MRC2: variants seen among roughly 807,000 people sequenced by gnomAD.
MRC2 encodes C-type mannose receptor 2.
In MRC2, 84 loss-of-function variants were observed where a neutral mutation model predicts 206.2. That is an observed-to-expected ratio of 0.41 (90% CI 0.34 to 0.49). The LOEUF (loss-of-function observed/expected upper bound fraction) is 0.49, where lower values mean the gene tolerates loss of function less well. Ranked by LOEUF, MRC2 falls within the 20% of genes least tolerant of loss-of-function variation. MRC2 has a pLI of 0.31. For synonymous variants in MRC2, 798 were observed against 800.0 expected (o/e 1.00, Z 0.04); for missense variants, 1,676 against 2,001.5 (o/e 0.84, Z 3.10).
intron 1 of MRC2, among the ~76,000 whole-genome samples, chr17:62,656,459 A>G (rs1247590068): frequency 1.3e-5 from 2 of 152,174 alleles, no homozygotes; most frequent in African/African-American, 2.4e-5. Flanking sequence ...TTCAAAGTGC[A>G]GGGATTACAG....
In MRC2 at chr17:62,681,830, A is replaced by T; in HGVS notation, c.2703-7A>T. 1 of 1,611,090 alleles carries T rather than the reference A, an allele frequency of 6.2e-7. No homozygotes were observed. The highest frequency in any genetic ancestry group is 8.5e-7 in the Non-Finnish European group (1 of 1,178,232). On this transcript the variant is annotated splice_polypyrimidine_tract_variant and splice_region_variant and intron_variant, in intron 18 of 29. Coordinates refer to ENST00000303375, the MANE Select transcript of MRC2 (RefSeq NM_006039.5). ...GCTGGAGTTACCTCTGCTCCATGCCATTGCAGATGGACAGATGGTTCCATT... is the reference window on the plus strand; with the variant it reads ...GCTGGAGTTACCTCTGCTCCATGCCTTTGCAGATGGACAGATGGTTCCATT...
At chr17:62,653,803 A>G (rs1021029092) in intron 1 of MRC2, among the ~76,000 whole-genome samples, 1 of 152,050 alleles carries the variant, frequency 6.6e-6, no homozygotes, top group Non-Finnish European at 1.5e-5. Flanking sequence ...ACCATGGTTC[A>G]GGATGTCGGT....
chr17:62,673,002 A>AAT (rs1211339422), intron 8 of MRC2, among the ~76,000 whole-genome samples: 4 of 150,800 alleles, frequency 2.7e-5, no homozygotes, highest in African/African-American at 9.8e-5. Flanking sequence ...AAAAAAAAAA[A>AAT]AATAAAATAA....
intron 1 of MRC2, among the ~76,000 whole-genome samples, chr17:62,645,917 A>G (rs186995981): frequency 2.6e-5 from 4 of 151,982 alleles, no homozygotes; most frequent in Admixed American, 6.6e-5. Context: ...TATGTCATCA[A>G]TGTATTTCTG....
chr17:62,637,535 C>CAAA (rs61648461), intron 1 of MRC2, among the ~76,000 whole-genome samples: 31 of 136,634 alleles, frequency 2.3e-4, no homozygotes, highest in African/African-American at 7.9e-4. Flanking sequence ...GACTGTGTCT[C>CAAA]AAAAAAAAAA....
Position 62,692,978 on chromosome 17 carries a change from C to G in MRC2, c.*527C>G, listed in dbSNP as rs2089130717. On this transcript the variant is annotated 3_prime_UTR_variant, in exon 30 of 30. Coordinates refer to ENST00000303375, the MANE Select transcript of MRC2 (RefSeq NM_006039.5). This position sits in a 1 kb window ranked among gnomAD's most constrained non-coding sequence, Gnocchi z 4.2. ...TGGGGATTGGGGAGCCCTCTTGTTC[C>G]TGATGAGGGTCAGCTGAGGGGGCTG... 6.3e-6 allele frequency: 1 copy of G among 158,622 alleles called. No individual in the cohort carries two copies. The highest frequency in any genetic ancestry group is 1.4e-5 in the Non-Finnish European group (1 of 71,394). The allele number at this position is 158,622 out of a possible 1,614,324, so 9.8% of individuals were successfully genotyped here.
At chr17:62,683,794 G>C (rs903653799) in intron 20 of MRC2, 1 of 151,746 alleles carries the variant, frequency 6.6e-6, no homozygotes, top group Non-Finnish European at 1.5e-5. Context: ...GAACCCAGGA[G>C]GTAGAGGCTT....
intron 1 of MRC2, among the ~76,000 whole-genome samples, chr17:62,655,976 G>T (rs2088614873): frequency 6.6e-6 from 1 of 152,096 alleles, no homozygotes; most frequent in South Asian, 2.1e-4. Flanking sequence ...TACTGCCTCA[G>T]ACTCCTCGGC....
At chr17:62,646,259 CGT>C (rs1332740931) in intron 1 of MRC2, among the ~76,000 whole-genome samples, 4 of 151,374 alleles carry the variant, frequency 2.6e-5, no homozygotes, top group Non-Finnish European at 5.9e-5. Flanking sequence ...CTCCTGACCT[CGT>C]GATCCACCTG....
Position 62,681,115 on chromosome 17 carries a change from C to T in MRC2, c.2688C>T (p.Ser896=), listed in dbSNP as rs1027912370. The T allele has an allele frequency of 1.9e-6, 3 of 1,613,456 alleles. No individual in the cohort carries two copies. The highest frequency in any genetic ancestry group is 3.3e-5 in the Admixed American group (2 of 60,002). The change falls in exon 18 of 30, where the codon AGC becomes AGT. Residue 896 remains serine, a synonymous_variant. Transcript: ENST00000303375. ...GGATCGGCCTGCACACCTCTGAGAG[C>T]GATGGGCGCTTCAGGTAGGAACCCA... ...HWWIGLHTSE[S]DGRFRWTDGS...
chr17:62,689,554 C>T lies in MRC2; in HGVS notation c.3367C>T (p.Pro1123Ser). 6.3e-7 allele frequency: 1 copy of T among 1,592,820 alleles called. No homozygotes were observed. Among genetic ancestry groups the T allele is most frequent in the Non-Finnish European group, 8.6e-7 (1 of 1,169,058 alleles). The change falls in exon 24 of 30, where the codon CCC becomes TCC. Residue 1123 changes from proline to serine, a missense_variant. Coordinates refer to ENST00000303375, the MANE Select transcript of MRC2 (RefSeq NM_006039.5). Reference protein sequence around the residue: ...PSLSPSPAALPPAPGTELSYL... With the variant: ...PSLSPSPAALSPAPGTELSYL... ...CCTGAGCCCGTCCCCAGCAGCGCTG[C>T]CCCCCGCCCCGGGCACTGAGCTCTC...
intron 1 of MRC2, among the ~76,000 whole-genome samples, chr17:62,641,601 T>A (rs1008319284): frequency 2.0e-5 from 3 of 152,214 alleles, no homozygotes; most frequent in Non-Finnish European, 4.4e-5. Context: ...AAGCACTGTT[T>A]ATAGTAGCAA....
intron 13 of MRC2, 63 bp downstream of exon 13, chr17:62,678,709 C>A: frequency 6.4e-7 from 1 of 1,570,808 alleles, no homozygotes; most frequent in African/African-American, 1.4e-5. Context: ...CAGGCATGGC[C>A]GACAGACCCT....
chr17:62,658,605 G>A (rs2088645156), intron 1 of MRC2, among the ~76,000 whole-genome samples: 3 of 152,196 alleles, frequency 2.0e-5, no homozygotes, highest in Admixed American at 2.0e-4. Context: ...AACTGCTACA[G>A]CCCACCTGGC....
chr17:62,651,593 G>A (rs1377142467), intron 1 of MRC2, among the ~76,000 whole-genome samples: 1 of 151,496 alleles, frequency 6.6e-6, no homozygotes, highest in Non-Finnish European at 1.5e-5. Context: ...CCTTCTTTAC[G>A]GAGACGAGTT....
Position 62,671,947 on chromosome 17 carries a change from A to T in MRC2, c.1307-51A>T. 1 of 1,613,006 alleles carries T rather than the reference A, an allele frequency of 6.2e-7. No individual in the cohort carries two copies. The highest frequency in any genetic ancestry group is 8.5e-7 in the Non-Finnish European group (1 of 1,179,170). On this transcript the variant is annotated intron_variant, in intron 7 of 29. Coordinates refer to ENST00000303375, the MANE Select transcript of MRC2 (RefSeq NM_006039.5). The surrounding 1 kb of genome is among the most constrained non-coding windows in gnomAD (Gnocchi z 4.5). ...GTTCCTTCCTCCCTACTGGTGGCTG[A>T]GGCTGACCTCTCAATGTTTTCTCTC... is the stretch of plus-strand genomic sequence containing the variant.
At chr17:62,651,517 C>T (rs2088555647) in intron 1 of MRC2, among the ~76,000 whole-genome samples, 1 of 152,164 alleles carries the variant, frequency 6.6e-6, no homozygotes, top group Admixed American at 6.6e-5. Flanking sequence ...GAATCTCTAC[C>T]TTTTTTGTCA....
At chr17:62,643,327 CAAA>C (rs59698063) in intron 1 of MRC2, among the ~76,000 whole-genome samples, 9 of 44,162 alleles carry the variant, frequency 2.0e-4, no homozygotes, top group African/African-American at 5.2e-4. Flanking sequence ...GAAACTCCGT[CAAA>C]AAAAAAAAAA....
intron 12 of MRC2, 39 bp downstream of exon 12, chr17:62,677,525 G>C (rs1427014906): frequency 6.5e-7 from 1 of 1,530,874 alleles, no homozygotes; most frequent in Non-Finnish European, 8.8e-7. Flanking sequence ...GCAGGGGGAG[G>C]ACAGGAGCAA....
Sources: gnomAD v4.1 joint callset for allele counts (sites outside exome capture counted in the v4.1 genomes callset) on GRCh38, gnomAD v4.1.1 for gene constraint, Gnocchi (gnomAD v3.1) non-coding constraint, MANE v1.5 for transcripts, NCBI Gene and HGNC (gene_info 2026-07-23, HGNC 2026-07-21) for gene names.